The following NMT2 variants were observed in gnomAD, a reference collection of about 807,000 sequenced individuals.
NMT2 encodes N-myristoyltransferase 2.
NMT2 carries 35 observed loss-of-function variants against 65.4 expected under a neutral mutation model. The observed-to-expected ratio is 0.54, with a 90% CI of 0.41 to 0.71. The LOEUF is 0.71. NMT2 is among the 30% of genes least tolerant of loss of function. NMT2 has a pLI of 0.00. For synonymous variants in NMT2, 226 were observed against 231.8 expected (o/e 0.98, Z 0.23); for missense variants, 489 against 611.3 (o/e 0.80, Z 2.11).
chr10:15,135,456 G>A lies in NMT2; in HGVS notation c.247-38C>T, dbSNP rs1239255783. On this transcript the variant is annotated intron_variant, in intron 2 of 11. Coordinates refer to ENST00000378165, the MANE Select transcript of NMT2 (RefSeq NM_004808.3). The stretch of plus-strand genomic sequence containing the variant: ...AGACAGACACAGAATATGAGAGAGC[G>A]GCTGCTGATGTTAAACTTGAGCAGA... 1.4e-5 allele frequency: 23 copies of A among 1,602,450 alleles called. No individual in the cohort carries two copies. In the East Asian group the frequency reaches 1.6e-4, roughly 11 times the overall value.
At position 15,127,555 on chromosome 10, in the gene NMT2, A is replaced by T. The variant is rs1284762272; in HGVS notation, c.999+795T>A. 9.0e-4 allele frequency among the ~76,000 whole-genome samples: 85 copies of T among 94,798 alleles called. 1 individual carries two copies. Among genetic ancestry groups the T allele is most frequent in the Non-Finnish European group, 1.3e-3 (72 of 55,788 alleles). The allele number at this position is 94,798 out of a possible 152,430, so 62.2% of individuals were successfully genotyped here. On this transcript the variant is annotated intron_variant, in intron 8 of 11. Coordinates refer to ENST00000378165, the MANE Select transcript of NMT2 (RefSeq NM_004808.3). ...GAGTGAGACTCCGTCTCAAAAAAAA[A>T]AAAAAAAAAAAAAAATAAATAAATA...
chr10:15,131,157 A>C lies in NMT2; in HGVS notation c.720-845T>G, dbSNP rs75260208. On this transcript the variant is annotated intron_variant, in intron 6 of 11. Coordinates refer to ENST00000378165, the MANE Select transcript of NMT2 (RefSeq NM_004808.3). ...TATCACTTAGACATTTCACAAATTC[A>C]GACGGAAACACTATTCCCCATATCT... Among the ~76,000 whole-genome samples the C allele has an allele frequency of 2.9e-3, 449 of 152,294 alleles. 5 individuals are homozygous for C. The highest frequency in any genetic ancestry group is 0.01 in the African/African-American group (417 of 41,552).
intron 1 of NMT2, among the ~76,000 whole-genome samples, chr10:15,157,491 G>A (rs946529207): frequency 9.9e-5 from 15 of 152,282 alleles, no homozygotes; most frequent in Admixed American, 5.2e-4. Context: ...ACCTGGCTTC[G>A]TGGAACTCTG....
intron 1 of NMT2, among the ~76,000 whole-genome samples, chr10:15,159,032 T>A (rs967525907): frequency 6.6e-6 from 1 of 152,346 alleles, no homozygotes; most frequent in South Asian, 2.1e-4. Flanking sequence ...TTGTTCACTA[T>A]GTCCTTCCCT....
intron 9 of NMT2, among the ~76,000 whole-genome samples, chr10:15,117,682 A>T (rs1443094394): frequency 1.3e-5 from 2 of 151,942 alleles, no homozygotes; most frequent in African/African-American, 2.4e-5. Flanking sequence ...CCAGTAAGTG[A>T]TTTCAGCACT....
intron 1 of NMT2, chr10:15,154,805 T>C (rs1022247402): frequency 2.6e-6 from 2 of 759,350 alleles, no homozygotes; most frequent in Non-Finnish European, 4.6e-6. Context: ...CTTATTAGAG[T>C]TGTCCACAGT....
intron 1 of NMT2, among the ~76,000 whole-genome samples, chr10:15,158,315 CAA>C (rs112874536): frequency 3.9e-4 from 43 of 111,148 alleles, no homozygotes; most frequent in Admixed American, 5.9e-4. Flanking sequence ...TACTCTGTCT[CAA>C]AAAAAAAAAA....
At chr10:15,134,656 TC>T (rs1846410776) in intron 3 of NMT2, among the ~76,000 whole-genome samples, 2 of 152,236 alleles carry the variant, frequency 1.3e-5, no homozygotes, top group Middle Eastern at 3.4e-3. Context: ...CAGGGCCTGG[TC>T]CTTCCATCAC....
At chr10:15,118,030 G>C (rs576944158) in intron 9 of NMT2, among the ~76,000 whole-genome samples, 4 of 152,262 alleles carry the variant, frequency 2.6e-5, no homozygotes, top group Admixed American at 6.5e-5. Context: ...AAATGTATAT[G>C]CAAAAGGCAA....
downstream of NMT2, among the ~76,000 whole-genome samples, chr10:15,105,702 G>A (rs1171420435): frequency 1.3e-5 from 2 of 152,140 alleles, no homozygotes; most frequent in Admixed American, 1.3e-4. Flanking sequence ...ATACCTTATT[G>A]AATAGAACAT....
chr10:15,156,954 A>G (rs1422722337), intron 1 of NMT2, among the ~76,000 whole-genome samples: 1 of 152,194 alleles, frequency 6.6e-6, no homozygotes, highest in East Asian at 1.9e-4. Flanking sequence ...TTGGAAACCA[A>G]AATAAGCACT....
At chr10:15,130,723 A>AG (rs1564570579) in intron 6 of NMT2, among the ~76,000 whole-genome samples, 1 of 147,966 alleles carries the variant, frequency 6.8e-6, no homozygotes, top group Non-Finnish European at 1.5e-5. Flanking sequence ...AAAAAAAAAA[A>AG]AAAAGAAAAG....
intron 1 of NMT2, chr10:15,155,007 C>T (rs1393582639): frequency 1.7e-6 from 2 of 1,190,592 alleles, no homozygotes; most frequent in Non-Finnish European, 1.2e-6. Flanking sequence ...GGACAAGATG[C>T]CAGGACCTGT....
chr10:15,154,559 T>C (rs934289094), intron 1 of NMT2, among the ~76,000 whole-genome samples: 4 of 152,238 alleles, frequency 2.6e-5, no homozygotes, highest in Non-Finnish European at 4.4e-5. Flanking sequence ...GTATTTTTCC[T>C]TTTTCACAAT....
At position 15,109,133 on chromosome 10, in the gene NMT2, T is replaced by C; in HGVS notation, c.*62A>G. On this transcript the variant is annotated 3_prime_UTR_variant, in exon 12 of 12. Coordinates refer to ENST00000378165, the MANE Select transcript of NMT2 (RefSeq NM_004808.3). ...TTTTATTCTTCTTTGGAATGGCAGTTCCAGAAATCATTAAATATTAACAAA... is the reference window on the plus strand; with the variant it reads ...TTTTATTCTTCTTTGGAATGGCAGTCCCAGAAATCATTAAATATTAACAAA... 6.3e-7 allele frequency: 1 copy of C among 1,590,976 alleles called. No individual in the cohort carries two copies. The highest frequency in any genetic ancestry group is 1.2e-5 in the South Asian group (1 of 86,714).
chr10:15,131,207 C>G (rs1846274044), intron 6 of NMT2, among the ~76,000 whole-genome samples: 1 of 152,096 alleles, frequency 6.6e-6, no homozygotes, highest in South Asian at 2.1e-4. Flanking sequence ...TTGTAAAACG[C>G]ACGGAGGCTC....
chr10:15,140,686 T>G (rs1401891482), intron 2 of NMT2, among the ~76,000 whole-genome samples: 1 of 152,140 alleles, frequency 6.6e-6, no homozygotes. Flanking sequence ...CCTGGCTGGT[T>G]CTACCCTTTT....
At position 15,133,317 on chromosome 10, in the gene NMT2, G is replaced by T; in HGVS notation, c.438C>A (p.Asn146Lys). The change falls in exon 4 of 12, where the codon AAC (asparagine) becomes AAA (lysine). Residue 146 changes from asparagine to lysine, a missense_variant. By Grantham distance (94) the Asn-to-Lys change is moderately conservative. Coordinates refer to ENST00000378165, the MANE Select transcript of NMT2 (RefSeq NM_004808.3). ...SHGAIEPDKD[N>K]VRQEPYSLPQ... ...GCAAAGAATACGGTTCTTGGCGTAC[G>T]TTGTCTTTATCTGGTTCAATTGCAC... The T allele has an allele frequency of 6.2e-7, 1 of 1,614,082 alleles. No individual in the cohort carries two copies. Among genetic ancestry groups the T allele is most frequent in the Non-Finnish European group, 8.5e-7 (1 of 1,179,930 alleles).
In NMT2 at chr10:15,147,095, C is replaced by CAAAAA. The variant is rs34668178; in HGVS notation, c.111-5543_111-5539dup. On this transcript the variant is annotated intron_variant, in intron 1 of 11. Transcript: ENST00000378165. ...CAACAGCGAAAGATCCTCTCGCTCTCAAAAAAAAAAAAAAAAAAAAAAAAA... is the reference window on the plus strand; with the variant it reads ...CAACAGCGAAAGATCCTCTCGCTCTCAAAAAAAAAAAAAAAAAAAAAAAAAAAAAA... 2.7e-3 allele frequency among the ~76,000 whole-genome samples: 120 copies of CAAAAA among 44,510 alleles called. 5 individuals carry two copies. The highest frequency in any genetic ancestry group is 3.3e-3 in the East Asian group (3 of 908). 29.2% of individuals were successfully genotyped at this position (44,510 alleles called of 152,430 possible).
Sources: gnomAD v4.1 joint callset for allele counts (sites outside exome capture counted in the v4.1 genomes callset) on GRCh38, gnomAD v4.1.1 for gene constraint, MANE v1.5 for transcripts, NCBI Gene and HGNC (gene_info 2026-07-23, HGNC 2026-07-21) for gene names.